Variants in ADARB2 observed in about 807,000 individuals in gnomAD.
ADARB2 encodes the protein adenosine deaminase RNA specific B2 (inactive), also known as inactive double-stranded RNA-specific editase B2.
In ADARB2, 25 loss-of-function variants were observed where a neutral mutation model predicts 62.2. The observed-to-expected ratio is 0.40, with a 90% CI of 0.29 to 0.56. The LOEUF (loss-of-function observed/expected upper bound fraction) is 0.56. Ranked by LOEUF, ADARB2 falls within the 20% of genes least tolerant of loss-of-function variation. The pLI is 0.43. For missense variants in ADARB2, 1,071 were observed against 1,077.4 expected, an observed-to-expected ratio of 0.99 and a Z score of 0.08; for synonymous variants, 572 against 500.8, an observed-to-expected ratio of 1.14 and a Z score of -1.90.
chr10:1,688,779 C>A (rs797010008), intron 1 of ADARB2, among the ~76,000 whole-genome samples: 3 of 152,324 alleles, frequency 2.0e-5, no homozygotes, highest in African/African-American at 7.2e-5. Context: ...TCAACCCTGA[C>A]CCTGTCTCAT....
chr10:1,368,840 T>A (rs3001045), intron 2 of ADARB2, among the ~76,000 whole-genome samples: 4 of 121,330 alleles, frequency 3.3e-5, no homozygotes, highest in South Asian at 2.8e-4. Flanking sequence ...GGGGCCGGGC[T>A]GGGTGAGGGT....
intron 9 of ADARB2, among the ~76,000 whole-genome samples, chr10:1,184,589 C>T (rs940216391): frequency 1.3e-5 from 2 of 152,224 alleles, no homozygotes; most frequent in Non-Finnish European, 1.5e-5. Flanking sequence ...CAGGTGGTGC[C>T]GTGCCGGCTC....
intron 7 of ADARB2, among the ~76,000 whole-genome samples, chr10:1,200,828 TA>T: frequency 6.6e-6 from 1 of 152,350 alleles, no homozygotes; most frequent in Non-Finnish European, 1.5e-5. Context: ...GTTTCCACTC[TA>T]AATAATGTGC....
At chr10:1,245,450 TA>T (rs1830975805) in intron 4 of ADARB2, among the ~76,000 whole-genome samples, 1 of 152,168 alleles carries the variant, frequency 6.6e-6, no homozygotes, top group Admixed American at 6.5e-5. Context: ...ACTTGTCATT[TA>T]ACATTAGGTA....
chr10:1,726,790 A>C (rs1403691133), intron 1 of ADARB2, among the ~76,000 whole-genome samples: 2 of 152,128 alleles, frequency 1.3e-5, no homozygotes, highest in African/African-American at 4.8e-5. Context: ...GCAGCTGTGC[A>C]TTCAGGAGGG....
At chr10:1,213,702 G>A (rs894800407) in intron 7 of ADARB2, among the ~76,000 whole-genome samples, 2 of 152,238 alleles carry the variant, frequency 1.3e-5, no homozygotes, top group Admixed American at 1.3e-4. Flanking sequence ...TTCAAAAGGA[G>A]TCTAGAATCA....
At chr10:1,304,685 C>T (rs1262057881) in intron 3 of ADARB2, among the ~76,000 whole-genome samples, 1 of 149,304 alleles carries the variant, frequency 6.7e-6, no homozygotes, top group African/African-American at 2.5e-5. Context: ...TCTCTCAGAC[C>T]ACAGTGCAAT....
At chr10:1,668,788 C>G (rs1444656755) in intron 1 of ADARB2, among the ~76,000 whole-genome samples, 1 of 152,188 alleles carries the variant, frequency 6.6e-6, no homozygotes, top group Non-Finnish European at 1.5e-5. Flanking sequence ...GAAGGGCATT[C>G]TAATCTGTTC....
chr10:1,566,063 C>CAAAAAAAAAAAAAAAAAAAAAA (rs376967105), intron 1 of ADARB2, among the ~76,000 whole-genome samples: 1 of 128,042 alleles, frequency 7.8e-6, no homozygotes, highest in African/African-American at 3.0e-5. Context: ...CTCAGTCTAG[C>CAAAAAAAAAAAAAAAAAAAAAA]AAAAAAAAAA....
intron 3 of ADARB2, among the ~76,000 whole-genome samples, chr10:1,304,828 T>G (rs1455692692): frequency 1.9e-4 from 29 of 149,208 alleles, no homozygotes; most frequent in African/African-American, 5.4e-4. Flanking sequence ...TTGAAACCAA[T>G]GAGAACAAAG....
At chr10:1,209,547 ATGCCAT>A (rs1837119383) in intron 7 of ADARB2, among the ~76,000 whole-genome samples, 6 of 35,768 alleles carry the variant, frequency 1.7e-4, no homozygotes, top group Non-Finnish European at 5.6e-4. Context: ...GCCCACACCC[ATGCCAT>A]CACCCACACC....
intron 1 of ADARB2, among the ~76,000 whole-genome samples, chr10:1,428,625 C>T (rs948957030): frequency 6.6e-6 from 1 of 151,526 alleles, no homozygotes; most frequent in African/African-American, 2.4e-5. Flanking sequence ...AATGACTAAA[C>T]TATGGAAATG....
At chr10:1,628,224 C>T (rs2119040597) in intron 1 of ADARB2, among the ~76,000 whole-genome samples, 2 of 152,354 alleles carry the variant, frequency 1.3e-5, no homozygotes, top group South Asian at 2.1e-4. Context: ...CGCTTCTGTG[C>T]ACATTGTCAA....
At chr10:1,497,645 A>G (rs1433966296) in intron 1 of ADARB2, among the ~76,000 whole-genome samples, 8 of 152,230 alleles carry the variant, frequency 5.3e-5, no homozygotes, top group Admixed American at 4.6e-4. Context: ...TGCTTTTTAT[A>G]CACTAATCCT....
chr10:1,700,376 C>T (rs369405794), intron 1 of ADARB2, among the ~76,000 whole-genome samples: 1 of 2,612 alleles, frequency 3.8e-4, no homozygotes, highest in African/African-American at 7.4e-4. Context: ...CAGGCGCTCG[C>T]CAATACACTC....
chr10:1,240,786 T>C (rs1830912800), intron 5 of ADARB2, among the ~76,000 whole-genome samples: 1 of 152,234 alleles, frequency 6.6e-6, no homozygotes, highest in Non-Finnish European at 1.5e-5. Context: ...TTGCCTTCTC[T>C]GACACAAACA....
At chr10:1,435,903 A>T (rs1271666690) in intron 1 of ADARB2, among the ~76,000 whole-genome samples, 4 of 152,240 alleles carry the variant, frequency 2.6e-5, no homozygotes, top group Non-Finnish European at 5.9e-5. Context: ...GGTAACCTTT[A>T]TGATAAAATT....
At chr10:1,718,975 TTTGTTGTTG>T (rs747322897) in intron 1 of ADARB2, among the ~76,000 whole-genome samples, 7 of 112,012 alleles carry the variant, frequency 6.2e-5, no homozygotes, top group Non-Finnish European at 1.2e-4. Flanking sequence ...TTACCTTCTT[TTTGTTGTTG>T]TTGTTGTTGT....
intron 1 of ADARB2, among the ~76,000 whole-genome samples, chr10:1,594,478 C>T (rs529893013): frequency 2.9e-4 from 44 of 152,124 alleles, no homozygotes; most frequent in African/African-American, 1.0e-3. Context: ...GCCTTTCCAC[C>T]CAGTCTGTTG....
Sources: allele counts gnomAD v4.1 joint callset (sites outside exome capture counted in the v4.1 genomes callset), GRCh38; gene constraint gnomAD v4.1.1; transcripts MANE v1.5; gene names NCBI Gene and HGNC (gene_info 2026-07-23, HGNC 2026-07-21).